MISP3: variants seen among roughly 807,000 people sequenced by gnomAD.
MISP3 encodes the protein MISP family member 3, also known as uncharacterized protein MISP3.
MISP3 carries 9 observed loss-of-function variants against 5.5 expected under a neutral mutation model. That is an observed-to-expected ratio of 1.65 (90% confidence interval 0.99 to 2.87). The LOEUF (loss-of-function observed/expected upper bound fraction) is 2.87, where lower values mean the gene tolerates loss of function less well. MISP3 is among the 30% of genes most tolerant of loss of function. The pLI is 0.00. For synonymous variants in MISP3, 87 were observed against 38.1 expected, an observed-to-expected ratio of 2.28 and a Z score of -4.73; for missense variants, 152 against 84.1, an observed-to-expected ratio of 1.81 and a Z score of -3.16.
rs1189157607 is a variant in MISP3, at chr19:14,073,738, C to T, written c.429C>T (p.Gly143=). ...SAVQGGCRVL[G]SAPPPFTPSL... ...TGCAGGGCGGGTGCCGGGTGCTGGGCAGCGCCCCGCCGCCTTTCACTCCGT... is the reference window on the plus strand; with the variant it reads ...TGCAGGGCGGGTGCCGGGTGCTGGGTAGCGCCCCGCCGCCTTTCACTCCGT... The change falls in exon 1 of 3, where the codon GGC becomes GGT. Residue 143 remains glycine, a synonymous_variant. Transcript: ENST00000587086. The surrounding 1 kb of genome is among the most constrained non-coding windows in gnomAD (Gnocchi z 8.5). 1.2e-5 allele frequency: 8 copies of T among 688,122 alleles called. No homozygotes were observed. In the South Asian group the frequency reaches 1.2e-4, roughly 10 times the overall value. The allele number at this position is 688,122 out of a possible 1,614,324, so 42.6% of individuals were successfully genotyped here.
Position 14,072,990 on chromosome 19 carries a change from G to A in MISP3, c.-320G>A, listed in dbSNP as rs1302598585. 2.0e-6 allele frequency: 1 copy of A among 491,712 alleles called. No homozygotes were observed. The highest frequency in any genetic ancestry group is 1.9e-5 in the African/African-American group (1 of 51,302). 30.5% of individuals were successfully genotyped at this position (491,712 alleles called of 1,614,324 possible). A position where few individuals can be genotyped will look rare whatever the true frequency, so the allele number is the denominator to read the frequency against. ...CCCAGGGCCAGACAGCGAAGCCCCA[G>A]AGCTGCTGCGGAGCTGAACACCGAG... On this transcript the variant is annotated 5_prime_UTR_variant, in exon 1 of 3. Transcript: ENST00000587086. This position sits in a 1 kb window ranked among gnomAD's most constrained non-coding sequence, Gnocchi z 6.8.
chr19:14,073,102 C>T lies in MISP3; in HGVS notation c.-208C>T, dbSNP rs1233168719. The T allele has an allele frequency of 3.1e-6, 2 of 644,722 alleles. No individual in the cohort carries two copies. Among genetic ancestry groups the T allele is most frequent in the South Asian group, 3.0e-5 (2 of 66,268 alleles). The allele number at this position is 644,722 out of a possible 1,614,324, so 39.9% of individuals were successfully genotyped here. ...CATCAGTCGAGCAGGACGCAGAGAGCCCCGGGCTGTCCACAGCTGCGGGCT... is the reference window on the plus strand; with the variant it reads ...CATCAGTCGAGCAGGACGCAGAGAGTCCCGGGCTGTCCACAGCTGCGGGCT... On this transcript the variant is annotated 5_prime_UTR_variant, in exon 1 of 3. Coordinates refer to ENST00000587086, the MANE Select transcript of MISP3 (RefSeq NM_001291291.2). The surrounding 1 kb of genome is among the most constrained non-coding windows in gnomAD (Gnocchi z 8.5).
At position 14,073,368 on chromosome 19, in the gene MISP3, G is replaced by C; in HGVS notation, c.59G>C (p.Arg20Pro). 1.4e-6 allele frequency: 1 copy of C among 698,636 alleles called. No homozygotes were observed. Among genetic ancestry groups the C allele is most frequent in the Non-Finnish European group, 2.6e-6 (1 of 382,714 alleles). 43.3% of individuals were successfully genotyped at this position (698,636 alleles called of 1,614,324 possible). A position where few individuals can be genotyped will look rare whatever the true frequency, so the allele number is the denominator to read the frequency against. The change falls in exon 1 of 3, where the codon CGC (arginine) becomes CCC (proline). Residue 20 changes from arginine to proline, a missense_variant. Transcript: ENST00000587086. This position sits in a 1 kb window ranked among gnomAD's most constrained non-coding sequence, Gnocchi z 8.5. ...AGCTGCGAACGCGAGGAGAGCCTGC[G>C]CCGGAGCCGGGGCCTGAGCCCGGGC... ...RRSCEREESL[R>P]RSRGLSPGRA...
Position 14,073,195 on chromosome 19 carries a change from G to A in MISP3, c.-115G>A, listed in dbSNP as rs746087760. On this transcript the variant is annotated 5_prime_UTR_variant, in exon 1 of 3. Coordinates refer to ENST00000587086, the MANE Select transcript of MISP3 (RefSeq NM_001291291.2). The surrounding 1 kb of genome is among the most constrained non-coding windows in gnomAD (Gnocchi z 8.5). Reference sequence around the variant, plus strand: ...AAGCGCAAAGGGCGGAGGTCCAGGGGCAGCATCCCCCTCCAGGCCCTAAGA... The same window carrying A: ...AAGCGCAAAGGGCGGAGGTCCAGGGACAGCATCCCCCTCCAGGCCCTAAGA... The A allele has an allele frequency of 1.5e-6, 1 of 674,474 alleles. No individual in the cohort carries two copies. The highest frequency in any genetic ancestry group is 2.7e-6 in the Non-Finnish European group (1 of 366,738). The allele number at this position is 674,474 out of a possible 1,614,324, so 41.8% of individuals were successfully genotyped here.
chr19:14,074,028 A>C lies in MISP3; in HGVS notation c.568+151A>C, dbSNP rs529610354. ...CCCCTCTCAATTTTGTCTCTTGCCT[A>C]CCCCTTCTGGAGCTCCATTACTCGC... On this transcript the variant is annotated intron_variant, in intron 1 of 2. Coordinates refer to ENST00000587086, the MANE Select transcript of MISP3 (RefSeq NM_001291291.2). This position sits in a 1 kb window ranked among gnomAD's most constrained non-coding sequence, Gnocchi z 4.4. 3.3e-6 allele frequency: 2 copies of C among 602,978 alleles called. No homozygotes were observed. The highest frequency in any genetic ancestry group is 3.8e-5 in the African/African-American group (2 of 53,114). The allele number at this position is 602,978 out of a possible 1,614,324, so 37.4% of individuals were successfully genotyped here. A position where few individuals can be genotyped will look rare whatever the true frequency, so the allele number is the denominator to read the frequency against.
rs1474077288 is a variant in MISP3 at position 14,073,891 on chromosome 19, G to T, written c.568+14G>T. 1.0e-5 allele frequency: 7 copies of T among 674,956 alleles called. No individual in the cohort carries two copies. In the Admixed American group the frequency reaches 1.5e-4, roughly 14 times the overall value. The allele number at this position is 674,956 out of a possible 1,614,324, so 41.8% of individuals were successfully genotyped here. On this transcript the variant is annotated intron_variant, in intron 1 of 2. Coordinates refer to ENST00000587086, the MANE Select transcript of MISP3 (RefSeq NM_001291291.2). This position sits in a 1 kb window ranked among gnomAD's most constrained non-coding sequence, Gnocchi z 8.5. ...CGAGCCTCACCGGTAAGCCGCGGGC[G>T]TAGCAACGCCGGGACCCCCAGGGTT... is the stretch of plus-strand genomic sequence containing the variant.
In MISP3 at chr19:14,074,572, G is replaced by T. The variant is rs955339191; in HGVS notation, c.642+109G>T. The T allele has an allele frequency of 1.0e-5, 7 of 683,962 alleles. No homozygotes were observed. Among genetic ancestry groups the T allele is most frequent in the Admixed American group, 1.0e-4 (5 of 49,246 alleles). 42.4% of individuals were successfully genotyped at this position (683,962 alleles called of 1,614,324 possible). A position where few individuals can be genotyped will look rare whatever the true frequency, so the allele number is the denominator to read the frequency against. ...GCATCCTCCCTGGAGGGCCACTCTG[G>T]TCAGAACTCAGTCTGGGACGCATCC... On this transcript the variant is annotated intron_variant, in intron 2 of 2. Coordinates refer to ENST00000587086, the MANE Select transcript of MISP3 (RefSeq NM_001291291.2). The surrounding 1 kb of genome is among the most constrained non-coding windows in gnomAD (Gnocchi z 4.4).
chr19:14,073,923 GC>G lies in MISP3; in HGVS notation c.568+51del. 1 of 688,004 alleles carries G rather than the reference GC, an allele frequency of 1.5e-6. No homozygotes were observed. Among genetic ancestry groups the G allele is most frequent in the Non-Finnish European group, 2.6e-6 (1 of 378,918 alleles). 42.6% of individuals were successfully genotyped at this position (688,004 alleles called of 1,614,324 possible). A position where few individuals can be genotyped will look rare whatever the true frequency, so the allele number is the denominator to read the frequency against. ...CGCCGGGACCCCCAGGGTTCCAGCC[GC>G]CCCCACCGATTGCCCAACTTCAGTG... is the stretch of plus-strand genomic sequence containing the variant. On this transcript the variant is annotated intron_variant, in intron 1 of 2. Coordinates refer to ENST00000587086, the MANE Select transcript of MISP3 (RefSeq NM_001291291.2). This position sits in a 1 kb window ranked among gnomAD's most constrained non-coding sequence, Gnocchi z 8.5.
chr19:14,073,654 G>A lies in MISP3; in HGVS notation c.345G>A (p.Ala115=), dbSNP rs1345090101. 1 of 375,304 alleles carries A rather than the reference G, an allele frequency of 2.7e-6. No homozygotes were observed. The highest frequency in any genetic ancestry group is 4.7e-6 in the Non-Finnish European group (1 of 211,090). The allele number at this position is 375,304 out of a possible 1,614,324, so 23.2% of individuals were successfully genotyped here. ...AAAGSGSSAG[A]GDGAGPQRLP... Reference sequence around the variant, plus strand: ...CGGGGAGCGGCTCCTCGGCGGGGGCGGGGGACGGCGCGGGCCCGCAGAGGC... The same window carrying A: ...CGGGGAGCGGCTCCTCGGCGGGGGCAGGGGACGGCGCGGGCCCGCAGAGGC... The change falls in exon 1 of 3, where the codon GCG becomes GCA. Residue 115 remains alanine, a synonymous_variant. Coordinates refer to ENST00000587086, the MANE Select transcript of MISP3 (RefSeq NM_001291291.2). This position sits in a 1 kb window ranked among gnomAD's most constrained non-coding sequence, Gnocchi z 8.5.
In MISP3 at chr19:14,073,865, C is replaced by T; in HGVS notation, c.556C>T (p.Pro186Ser). 1 of 701,270 alleles carries T rather than the reference C, an allele frequency of 1.4e-6. No individual in the cohort carries two copies. The allele number at this position is 701,270 out of a possible 1,614,324, so 43.4% of individuals were successfully genotyped here. A position where few individuals can be genotyped will look rare whatever the true frequency, so the allele number is the denominator to read the frequency against. ...YGTAEFKEPTPSLTASRGDGK... is the reference protein window; with the variant it reads ...YGTAEFKEPTSSLTASRGDGK... Reference sequence around the variant, plus strand: ...CACCGCGGAGTTCAAGGAGCCTACGCCGAGCCTCACCGGTAAGCCGCGGGC... The same window carrying T: ...CACCGCGGAGTTCAAGGAGCCTACGTCGAGCCTCACCGGTAAGCCGCGGGC... Residue 186 changes from proline to serine, a missense_variant, in exon 1 of 3, where the codon CCG becomes TCG. By Grantham distance (74) the Pro-to-Ser change is moderately conservative. Transcript: ENST00000587086. This position sits in a 1 kb window ranked among gnomAD's most constrained non-coding sequence, Gnocchi z 8.5.
chr19:14,073,076 CCA>C lies in MISP3; in HGVS notation c.-233_-232del. ...GGAGCAAGAGAGCGAAGTCCTCGAGCCATCAGTCGAGCAGGACGCAGAGAGCC... is the reference window on the plus strand; with the variant it reads ...GGAGCAAGAGAGCGAAGTCCTCGAGCTCAGTCGAGCAGGACGCAGAGAGCC... On this transcript the variant is annotated 5_prime_UTR_variant, in exon 1 of 3. Transcript: ENST00000587086. The surrounding 1 kb of genome is among the most constrained non-coding windows in gnomAD (Gnocchi z 8.5). 1 of 616,380 alleles carries C rather than the reference CCA, an allele frequency of 1.6e-6. No homozygotes were observed. Among genetic ancestry groups the C allele is most frequent in the Non-Finnish European group, 3.0e-6 (1 of 329,796 alleles). 38.2% of individuals were successfully genotyped at this position (616,380 alleles called of 1,614,324 possible).
chr19:14,074,310 CTG>C lies in MISP3; in HGVS notation c.569-72_569-71del, dbSNP rs1470516623. ...TCATGGGGAGGCGGAGGGTGAACGC[CTG>C]TGTGTGTTTAAGGGGTGCGGCCGGC... On this transcript the variant is annotated intron_variant, in intron 1 of 2. Transcript: ENST00000587086. This position sits in a 1 kb window ranked among gnomAD's most constrained non-coding sequence, Gnocchi z 4.4. 1.5e-6 allele frequency: 1 copy of C among 687,654 alleles called. No homozygotes were observed. The highest frequency in any genetic ancestry group is 2.7e-6 in the Non-Finnish European group (1 of 377,182). The allele number at this position is 687,654 out of a possible 1,614,324, so 42.6% of individuals were successfully genotyped here. A position where few individuals can be genotyped will look rare whatever the true frequency, so the allele number is the denominator to read the frequency against.
Position 14,073,453 on chromosome 19 carries a change from T to G in MISP3, c.144T>G (p.Pro48=). 1 of 545,580 alleles carries G rather than the reference T, an allele frequency of 1.8e-6. No homozygotes were observed. The highest frequency in any genetic ancestry group is 3.2e-6 in the Non-Finnish European group (1 of 314,190). 33.8% of individuals were successfully genotyped at this position (545,580 alleles called of 1,614,324 possible). A position where few individuals can be genotyped will look rare whatever the true frequency, so the allele number is the denominator to read the frequency against. Reference sequence around the variant, plus strand: ...GGCCGGTGCTCAACCTGCCGGGTCCTGGCCCCGCGCTCCCGCGCGCCCTGG... The same window carrying G: ...GGCCGGTGCTCAACCTGCCGGGTCCGGGCCCCGCGCTCCCGCGCGCCCTGG... ...RVRPVLNLPG[P]GPALPRALER... is the part of the protein sequence containing the mutation. Residue 48 remains proline (P), a synonymous_variant, in exon 1 of 3, where the codon CCT becomes CCG. Coordinates refer to ENST00000587086, the MANE Select transcript of MISP3 (RefSeq NM_001291291.2). This position sits in a 1 kb window ranked among gnomAD's most constrained non-coding sequence, Gnocchi z 8.5.
At position 14,073,189 on chromosome 19, in the gene MISP3, CCAGGGGCAG is replaced by C. The variant is rs1976615682; in HGVS notation, c.-118_-110del. 1 of 674,466 alleles carries C rather than the reference CCAGGGGCAG, an allele frequency of 1.5e-6. No homozygotes were observed. The highest frequency in any genetic ancestry group is 2.7e-6 in the Non-Finnish European group (1 of 366,838). The allele number at this position is 674,466 out of a possible 1,614,324, so 41.8% of individuals were successfully genotyped here. On this transcript the variant is annotated 5_prime_UTR_variant, in exon 1 of 3. Transcript: ENST00000587086. This position sits in a 1 kb window ranked among gnomAD's most constrained non-coding sequence, Gnocchi z 8.5. ...CGTCCGAAGCGCAAAGGGCGGAGGT[CCAGGGGCAG>C]CATCCCCCTCCAGGCCCTAAGACCT...
rs1251535717 is a variant in MISP3 at position 14,072,794 on chromosome 19, CGGCCGCCACTGCCGCCACA to C, written c.-513_-495del. The C allele has an allele frequency of 5.6e-6, 2 of 357,878 alleles. No individual in the cohort carries two copies. The highest frequency in any genetic ancestry group is 1.1e-5 in the Non-Finnish European group (2 of 181,970). 22.2% of individuals were successfully genotyped at this position (357,878 alleles called of 1,614,324 possible). ...GGTGCGGGCGACGCCTTGGAACCCA[CGGCCGCCACTGCCGCCACA>C]GGTGCCTCACAGTGCCCTCTGTCCT... On this transcript the variant is annotated 5_prime_UTR_variant, in exon 1 of 3. Coordinates refer to ENST00000587086, the MANE Select transcript of MISP3 (RefSeq NM_001291291.2). The surrounding 1 kb of genome is among the most constrained non-coding windows in gnomAD (Gnocchi z 6.8).
rs967992408 is a variant in MISP3 at position 14,072,795 on chromosome 19, GGCCGCCACT to G, written c.-506_-498del. ...GTGCGGGCGACGCCTTGGAACCCAC[GGCCGCCACT>G]GCCGCCACAGGTGCCTCACAGTGCC... On this transcript the variant is annotated 5_prime_UTR_variant, in exon 1 of 3. Transcript: ENST00000587086. This position sits in a 1 kb window ranked among gnomAD's most constrained non-coding sequence, Gnocchi z 6.8. 6 of 328,758 alleles carry G rather than the reference GGCCGCCACT, an allele frequency of 1.8e-5. No homozygotes were observed. The highest frequency in any genetic ancestry group is 4.2e-5 in the South Asian group (2 of 47,974). The allele number at this position is 328,758 out of a possible 1,614,324, so 20.4% of individuals were successfully genotyped here.
rs1419692872 is a variant in MISP3, at chr19:14,074,183, T to A, written c.569-207T>A. 1 of 597,182 alleles carries A rather than the reference T, an allele frequency of 1.7e-6. No homozygotes were observed. 37.0% of individuals were successfully genotyped at this position (597,182 alleles called of 1,614,324 possible). A position where few individuals can be genotyped will look rare whatever the true frequency, so the allele number is the denominator to read the frequency against. ...GGGAACCCTGACTGGGTTCTGGCAC[T>A]CCTGGGTCCTCCCTCTGAATTTTCG... On this transcript the variant is annotated intron_variant, in intron 1 of 2. Transcript: ENST00000587086. The surrounding 1 kb of genome is among the most constrained non-coding windows in gnomAD (Gnocchi z 4.4).
rs1483632835 is a variant in MISP3, at chr19:14,074,533, T to G, written c.642+70T>G. The G allele has an allele frequency of 1.0e-5, 7 of 683,770 alleles. No individual in the cohort carries two copies. The highest frequency in any genetic ancestry group is 1.9e-5 in the Non-Finnish European group (7 of 372,958). 42.4% of individuals were successfully genotyped at this position (683,770 alleles called of 1,614,324 possible). ...CCCACCCCTCCGGTGCCAGGACGCT[T>G]GGTGGGGAAAAGTGCATCCTCCCTG... On this transcript the variant is annotated intron_variant, in intron 2 of 2. Transcript: ENST00000587086. The surrounding 1 kb of genome is among the most constrained non-coding windows in gnomAD (Gnocchi z 4.4).
Position 14,073,691 on chromosome 19 carries a change from G to A in MISP3, c.382G>A (p.Gly128Arg). ...GAGPQRLPEP[G>R]GRPRSAVQGG... ...GGGCCCGCAGAGGCTGCCAGAGCCTGGGGGACGGCCGCGCTCGGCCGTGCA... is the reference window on the plus strand; with the variant it reads ...GGGCCCGCAGAGGCTGCCAGAGCCTAGGGGACGGCCGCGCTCGGCCGTGCA... Residue 128 changes from glycine (G) to arginine (R), a missense_variant, in exon 1 of 3, where the codon GGG (glycine) becomes AGG (arginine). Transcript: ENST00000587086. This position sits in a 1 kb window ranked among gnomAD's most constrained non-coding sequence, Gnocchi z 8.5. 1.9e-6 allele frequency: 1 copy of A among 537,274 alleles called. No individual in the cohort carries two copies. Among genetic ancestry groups the A allele is most frequent in the Non-Finnish European group, 3.3e-6 (1 of 307,020 alleles). 33.3% of individuals were successfully genotyped at this position (537,274 alleles called of 1,614,324 possible).
Sources: allele counts gnomAD v4.1 joint callset, GRCh38; gene constraint gnomAD v4.1.1; non-coding constraint Gnocchi (gnomAD v3.1); transcripts MANE v1.5; gene names NCBI Gene and HGNC (gene_info 2026-07-23, HGNC 2026-07-21).